The following CNTNAP2 variants were observed in gnomAD, a reference collection of about 807,000 sequenced individuals.
The protein encoded by CNTNAP2 is contactin associated protein 2, also known as contactin-associated protein-like 2.
Under a neutral mutation model 155.2 loss-of-function variants are expected in CNTNAP2, and 98 were observed. The observed-to-expected ratio is 0.63, with a 90% CI of 0.54 to 0.75. The LOEUF (loss-of-function observed/expected upper bound fraction) is 0.75. Among genes scored for constraint, CNTNAP2 ranks in the 30% least tolerant of loss-of-function variants. CNTNAP2 has a pLI of 0.00. For missense variants in CNTNAP2, 1,727 were observed against 1,688.1 expected (o/e 1.02, Z -0.40); for synonymous variants, 651 against 631.2 (o/e 1.03, Z -0.47).
At chr7:146,955,683 T>C (rs1388476522) in intron 3 of CNTNAP2, among the ~76,000 whole-genome samples, 2 of 152,046 alleles carry the variant, frequency 1.3e-5, no homozygotes, top group Non-Finnish European at 2.9e-5. Flanking sequence ...ACAATTATTA[T>C]TTTAAAATGC....
At chr7:146,342,871 C>T (rs991657993) in intron 1 of CNTNAP2, among the ~76,000 whole-genome samples, 1 of 152,122 alleles carries the variant, frequency 6.6e-6, no homozygotes, top group African/African-American at 2.4e-5. Flanking sequence ...TTGCAAAATT[C>T]GCTTGGCTAT....
intron 15 of CNTNAP2, among the ~76,000 whole-genome samples, chr7:148,066,672 G>C (rs1165296562): frequency 6.6e-6 from 1 of 151,730 alleles, no homozygotes; most frequent in East Asian, 1.9e-4. Context: ...TAATTTTTTT[G>C]TATTTTTAGT....
At chr7:147,827,960 C>T (rs1048245752) in intron 13 of CNTNAP2, among the ~76,000 whole-genome samples, 2 of 152,096 alleles carry the variant, frequency 1.3e-5, no homozygotes, top group African/African-American at 4.8e-5. Flanking sequence ...TCTTCCTATT[C>T]TTATGATTTC....
At chr7:146,451,978 G>A (rs576642779) in intron 1 of CNTNAP2, among the ~76,000 whole-genome samples, 4 of 151,008 alleles carry the variant, frequency 2.6e-5, no homozygotes, top group East Asian at 1.9e-4. Flanking sequence ...GCGCGATCTC[G>A]ACTCACTGCA....
intron 9 of CNTNAP2, among the ~76,000 whole-genome samples, chr7:147,361,389 A>T (rs1157589554): frequency 6.6e-6 from 1 of 152,294 alleles, no homozygotes; most frequent in Non-Finnish European, 1.5e-5. Flanking sequence ...TTTCAACAAG[A>T]TGTTCCATTA....
At chr7:146,497,292 A>G (rs904781357) in intron 1 of CNTNAP2, among the ~76,000 whole-genome samples, 1 of 152,212 alleles carries the variant, frequency 6.6e-6, no homozygotes, top group African/African-American at 2.4e-5. Context: ...AAAAACATTT[A>G]CTAGTTTTCT....
chr7:146,938,507 C>T (rs1453491486), intron 3 of CNTNAP2, among the ~76,000 whole-genome samples: 1 of 151,008 alleles, frequency 6.6e-6, no homozygotes, highest in Non-Finnish European at 1.5e-5. Flanking sequence ...ACATTGTATT[C>T]TGCTTCTAAG....
chr7:147,620,737 T>C (rs1801377692), intron 12 of CNTNAP2, among the ~76,000 whole-genome samples: 1 of 152,018 alleles, frequency 6.6e-6, no homozygotes. Flanking sequence ...GAAGCACATC[T>C]ACAGGATCTA....
rs754030091 is a variant in CNTNAP2 at position 148,097,340 on chromosome 7, T to TAAAAAA, written c.2384-20761_2384-20756dup. On this transcript the variant is annotated intron_variant, in intron 15 of 23. Transcript: ENST00000361727. The stretch of plus-strand genomic sequence containing the variant: ...GTTTAAATTCAGCTCGTGTCATTTG[T>TAAAAAA]AAAAAAAAAAAAAAAAAAAAAACCA... Among the ~76,000 whole-genome samples, 443 of 78,442 alleles carry TAAAAAA rather than the reference T, an allele frequency of 5.6e-3. 6 individuals are homozygous for TAAAAAA. Among genetic ancestry groups the TAAAAAA allele is most frequent in the Middle Eastern group, 0.021 (3 of 140 alleles). The allele number at this position is 78,442 out of a possible 152,430, so 51.5% of individuals were successfully genotyped here.
At chr7:147,751,464 C>T (rs16883683) in intron 13 of CNTNAP2, among the ~76,000 whole-genome samples, 1,670 of 90,490 alleles carry the variant, frequency 0.018, 96 homozygotes, top group Admixed American at 0.17. Context: ...TTTGTTCAAG[C>T]TCAAGATATA....
At chr7:148,179,272 G>T (rs1298026736) in intron 18 of CNTNAP2, among the ~76,000 whole-genome samples, 1 of 152,152 alleles carries the variant, frequency 6.6e-6, no homozygotes, top group African/African-American at 2.4e-5. Flanking sequence ...ACTCTGAGAG[G>T]CCAAGGTGGG....
chr7:147,590,410 C>A (rs1800715246), intron 12 of CNTNAP2, among the ~76,000 whole-genome samples: 1 of 152,076 alleles, frequency 6.6e-6, no homozygotes, highest in African/African-American at 2.4e-5. Context: ...TGAGTTCTCA[C>A]AAGATCTGAT....
chr7:146,379,590 A>G (rs574975727), intron 1 of CNTNAP2, among the ~76,000 whole-genome samples: 4 of 152,292 alleles, frequency 2.6e-5, no homozygotes, highest in East Asian at 3.9e-4. Context: ...TTAAGTTGCT[A>G]TAAGATAGAA....
intron 11 of CNTNAP2, among the ~76,000 whole-genome samples, chr7:147,519,943 C>G (rs1429068851): frequency 6.6e-6 from 1 of 152,112 alleles, no homozygotes; most frequent in Non-Finnish European, 1.5e-5. Flanking sequence ...GCATTATGAC[C>G]ACCCACGAAT....
rs568594393 is a variant in CNTNAP2 at position 148,201,870 on chromosome 7, T to C, written c.3011-15418T>C. Among the ~76,000 whole-genome samples the C allele has an allele frequency of 2.0e-5, 3 of 152,018 alleles. No individual in the cohort carries two copies. The East Asian group carries it at 5.8e-4, about 30-fold the overall frequency. ...ATTACTTTAAAACTTTCACACACTA[T>C]GGAACAAAAGAAATGGCAATACACA... On this transcript the variant is annotated intron_variant, in intron 18 of 23. Transcript: ENST00000361727.
At chr7:147,565,845 T>C (rs1800159594) in intron 12 of CNTNAP2, among the ~76,000 whole-genome samples, 1 of 152,080 alleles carries the variant, frequency 6.6e-6, no homozygotes, top group South Asian at 2.1e-4. Flanking sequence ...GAGATGCAAA[T>C]TTTACAGTTG....
At chr7:147,601,817 T>G (rs1012897421) in intron 12 of CNTNAP2, among the ~76,000 whole-genome samples, 1 of 151,906 alleles carries the variant, frequency 6.6e-6, no homozygotes, top group African/African-American at 2.4e-5. Flanking sequence ...AACTGATTAG[T>G]TGATCTACTT....
rs56298545 is a variant in CNTNAP2 at position 146,136,492 on chromosome 7, G to A, written c.97+19519G>A. ...AGGTCGGGAAGTCAGGACAGAAGAG[G>A]GAGTAGAGCACACCTGCTCTAAGTA... On this transcript the variant is annotated intron_variant, in intron 1 of 23. Coordinates refer to ENST00000361727, the MANE Select transcript of CNTNAP2 (RefSeq NM_014141.6). Among the ~76,000 whole-genome samples the A allele has an allele frequency of 2.1e-3, 326 of 152,182 alleles. 1 individual carries two copies. The highest frequency in any genetic ancestry group is 7.5e-3 in the African/African-American group (312 of 41,538).
chr7:147,962,051 TATAA>T (rs5888298), intron 14 of CNTNAP2, among the ~76,000 whole-genome samples: 54,863 of 151,858 alleles, frequency 0.36, 11,978 homozygotes, highest in Middle Eastern at 0.63. Flanking sequence ...ATTATTCAGT[TATAA>T]ATAAACTAAA....
Sources: gnomAD v4.1 joint callset for allele counts (sites outside exome capture counted in the v4.1 genomes callset) on GRCh38, gnomAD v4.1.1 for gene constraint, MANE v1.5 for transcripts, NCBI Gene and HGNC (gene_info 2026-07-23, HGNC 2026-07-21) for gene names.